The following KCNIP4 variants were observed in gnomAD, a reference collection of about 807,000 sequenced individuals.
KCNIP4 encodes Kv channel-interacting protein 4.
A neutral mutation model predicts 34.0 loss-of-function variants in KCNIP4; 12 were observed. The ratio of observed to expected loss-of-function variants is 0.35; its 90% CI spans 0.23 to 0.57. The LOEUF (loss-of-function observed/expected upper bound fraction) is 0.57. Ranked by LOEUF, KCNIP4 falls within the 20% of genes least tolerant of loss-of-function variation. The pLI is 0.83. For missense variants in KCNIP4, 238 were observed against 311.7 expected (o/e 0.76, Z 1.78); for synonymous variants, 124 against 102.2 (o/e 1.21, Z -1.29).
At chr4:21,523,322 T>G (rs1735699996) in intron 1 of KCNIP4, among the ~76,000 whole-genome samples, 1 of 152,154 alleles carries the variant, frequency 6.6e-6, no homozygotes, top group Admixed American at 6.6e-5. Flanking sequence ...ATAGGTTGTG[T>G]GTGTGTGTCT....
chr4:20,857,044 T>TA lies in KCNIP4; in HGVS notation c.164-6378dup, dbSNP rs35194977. Reference sequence around the variant, plus strand: ...ATAGGATGATCATCACATGCAGTATTAAAAAAAAAAAAAAAACGCCCTTGA... The same window carrying TA: ...ATAGGATGATCATCACATGCAGTATTAAAAAAAAAAAAAAAAACGCCCTTGA... On this transcript the variant is annotated intron_variant, in intron 2 of 8. Transcript: ENST00000382152. 4.5e-3 allele frequency among the ~76,000 whole-genome samples: 610 copies of TA among 135,574 alleles called. 1 individual carries two copies. The highest frequency in any genetic ancestry group is 0.032 in the East Asian group (135 of 4,284). 88.9% of individuals were successfully genotyped at this position (135,574 alleles called of 152,430 possible). A position where few individuals can be genotyped will look rare whatever the true frequency, so the allele number is the denominator to read the frequency against.
intron 1 of KCNIP4, among the ~76,000 whole-genome samples, chr4:21,566,900 C>A (rs755591533): frequency 2.6e-4 from 39 of 152,024 alleles, no homozygotes; most frequent in Admixed American, 2.0e-3. Flanking sequence ...GACATAAAGC[C>A]AAACTGCAAA....
At chr4:21,331,434 T>C (rs934405613) in intron 1 of KCNIP4, among the ~76,000 whole-genome samples, 3 of 152,150 alleles carry the variant, frequency 2.0e-5, no homozygotes, top group Non-Finnish European at 2.9e-5. Context: ...AGGAATTTCA[T>C]ATGCAAGTAT....
chr4:20,799,185 A>G (rs1578645335), intron 3 of KCNIP4, among the ~76,000 whole-genome samples: 2 of 152,004 alleles, frequency 1.3e-5, no homozygotes, highest in African/African-American at 4.8e-5. Flanking sequence ...TTGCTGGGGC[A>G]CCTCCACTTA....
chr4:21,837,193 C>T (rs1358979707), intron 1 of KCNIP4, among the ~76,000 whole-genome samples: 3 of 141,072 alleles, frequency 2.1e-5, no homozygotes, highest in Non-Finnish European at 4.6e-5. Flanking sequence ...CTGGGAATTA[C>T]AGGCGTGAGC....
intron 1 of KCNIP4, among the ~76,000 whole-genome samples, chr4:20,980,915 C>A (rs903568165): frequency 6.6e-6 from 1 of 152,058 alleles, no homozygotes; most frequent in African/African-American, 2.4e-5. Flanking sequence ...ATAACCCTGT[C>A]AACCTTCATC....
intron 1 of KCNIP4, among the ~76,000 whole-genome samples, chr4:21,639,122 T>C (rs1269977708): frequency 1.3e-5 from 2 of 152,192 alleles, no homozygotes; most frequent in Admixed American, 6.6e-5. Flanking sequence ...GAAATGAGAA[T>C]GTAAGAAGAT....
At chr4:20,942,588 T>G (rs935763479) in intron 1 of KCNIP4, among the ~76,000 whole-genome samples, 4 of 152,216 alleles carry the variant, frequency 2.6e-5, no homozygotes, top group African/African-American at 9.6e-5. Flanking sequence ...AAACTGACAC[T>G]GAGGGAGGGT....
intron 1 of KCNIP4, among the ~76,000 whole-genome samples, chr4:20,962,855 A>G (rs1056009532): frequency 2.6e-5 from 4 of 152,202 alleles, no homozygotes; most frequent in African/African-American, 9.7e-5. Flanking sequence ...GTGTTGTTCA[A>G]CTCATGTCTT....
At chr4:21,583,933 A>T (rs1483346344) in intron 1 of KCNIP4, among the ~76,000 whole-genome samples, 1 of 152,082 alleles carries the variant, frequency 6.6e-6, no homozygotes, top group Non-Finnish European at 1.5e-5. Context: ...TTTCTTGCAT[A>T]TGTTATTTAT....
intron 1 of KCNIP4, among the ~76,000 whole-genome samples, chr4:21,723,616 T>C (rs538854421): frequency 1.3e-5 from 2 of 152,186 alleles, no homozygotes; most frequent in Admixed American, 1.3e-4. Flanking sequence ...AAAGAAAGTT[T>C]GGTGTCACAT....
intron 1 of KCNIP4, among the ~76,000 whole-genome samples, chr4:21,042,176 C>T (rs1275232727): frequency 1.3e-5 from 2 of 152,122 alleles, no homozygotes; most frequent in Non-Finnish European, 2.9e-5. Context: ...GGTCATCCAG[C>T]AATCCTAGTA....
intron 1 of KCNIP4, among the ~76,000 whole-genome samples, chr4:21,856,542 C>G (rs541584123): frequency 6.6e-6 from 1 of 152,280 alleles, no homozygotes; most frequent in South Asian, 2.1e-4. Context: ...AGGGCAGGAG[C>G]CTTGCACTCC....
At chr4:21,196,597 G>C (rs1319565147) in intron 1 of KCNIP4, among the ~76,000 whole-genome samples, 1 of 152,146 alleles carries the variant, frequency 6.6e-6, no homozygotes, top group South Asian at 2.1e-4. Flanking sequence ...TCCGTGCCTA[G>C]AATGTTCTGA....
intron 1 of KCNIP4, among the ~76,000 whole-genome samples, chr4:20,967,866 A>G (rs1734531301): frequency 6.6e-6 from 1 of 152,228 alleles, no homozygotes; most frequent in Admixed American, 6.5e-5. Flanking sequence ...GGACATAGGC[A>G]TGGGCAAAGA....
At chr4:21,805,017 G>A (rs770814556) in intron 1 of KCNIP4, among the ~76,000 whole-genome samples, 34 of 152,196 alleles carry the variant, frequency 2.2e-4, no homozygotes, top group Non-Finnish European at 4.6e-4. Context: ...TGGTTTAAGA[G>A]GTAGAGATTA....
chr4:21,104,762 A>G (rs1429654570), intron 1 of KCNIP4, among the ~76,000 whole-genome samples: 1 of 151,586 alleles, frequency 6.6e-6, no homozygotes, highest in Non-Finnish European at 1.5e-5. Context: ...ACCTTTAATT[A>G]ATTTTTGTAT....
chr4:20,902,964 A>G (rs1333697250), intron 1 of KCNIP4, among the ~76,000 whole-genome samples: 1 of 152,258 alleles, frequency 6.6e-6, no homozygotes, highest in Non-Finnish European at 1.5e-5. Flanking sequence ...CATATTACAT[A>G]GAGATGACTT....
intron 5 of KCNIP4, among the ~76,000 whole-genome samples, chr4:20,748,082 A>G (rs1029441127): frequency 2.0e-5 from 3 of 152,012 alleles, no homozygotes; most frequent in African/African-American, 7.2e-5. Flanking sequence ...ATTACACTCC[A>G]TGTTTCCAGG....
Sources: allele counts gnomAD v4.1 joint callset (sites outside exome capture counted in the v4.1 genomes callset), GRCh38; gene constraint gnomAD v4.1.1; transcripts MANE v1.5; gene names NCBI Gene and HGNC (gene_info 2026-07-23, HGNC 2026-07-21).